FABP3: variants seen among roughly 807,000 people sequenced by gnomAD.
FABP3 encodes the protein fatty acid binding protein 3, also known as fatty acid-binding protein, heart.
Under a neutral mutation model 13.4 loss-of-function variants are expected in FABP3, and 8 were observed. The observed-to-expected ratio is 0.60, with a 90% confidence interval of 0.35 to 1.07. The LOEUF is 1.07. Among genes scored for constraint, FABP3 ranks in the 50% least tolerant of loss-of-function variants. The pLI is 0.02. For synonymous variants in FABP3, 64 were observed against 60.0 expected (o/e 1.07, Z -0.31); for missense variants, 135 against 164.7 (o/e 0.82, Z 0.99).
intron 1 of FABP3, 85 bp from the exon 2 acceptor site, chr1:31,369,642 G>A: frequency 7.5e-7 from 1 of 1,325,640 alleles, no homozygotes; most frequent in East Asian, 2.4e-5. Context: ...TCTCAGGCCT[G>A]GGTATGGGGA....
downstream of FABP3, among the ~76,000 whole-genome samples, chr1:31,362,907 A>G (rs1422365612): frequency 6.6e-6 from 1 of 152,216 alleles, no homozygotes; most frequent in African/African-American, 2.4e-5. Context: ...AAAGACCCAT[A>G]TCCTTTCCCC....
chr1:31,362,129 T>A (rs12756878), downstream of FABP3, among the ~76,000 whole-genome samples: 1 of 152,116 alleles, frequency 6.6e-6, no homozygotes, highest in African/African-American at 2.4e-5. Flanking sequence ...TATTCTTATC[T>A]CCAGTTTACA....
Position 31,369,368 on chromosome 1 carries a change from C to A in FABP3, c.246+17G>T, listed in dbSNP as rs1440832082. On this transcript the variant is annotated intron_variant, in intron 2 of 3. Transcript: ENST00000373713. ...TCTCAGCACTCTCCATTCCCCACCC[C>A]TGTTTCCCTGACTTACCTTGACCTT... 6.2e-7 allele frequency: 1 copy of A among 1,611,714 alleles called. No homozygotes were observed. Among genetic ancestry groups the A allele is most frequent in the South Asian group, 1.1e-5 (1 of 90,840 alleles).
At chr1:31,362,714 G>A (rs974317061), downstream of FABP3, among the ~76,000 whole-genome samples, 1 of 152,186 alleles carries the variant, frequency 6.6e-6, no homozygotes, top group Admixed American at 6.5e-5. Flanking sequence ...ATAGCAGTCA[G>A]GAGTTCTAAA....
In FABP3 at chr1:31,373,022, C is replaced by T. The variant is rs1640235763; in HGVS notation, c.-8G>A. 3.7e-6 allele frequency: 6 copies of T among 1,613,806 alleles called. No individual in the cohort carries two copies. The highest frequency in any genetic ancestry group is 5.1e-6 in the Non-Finnish European group (6 of 1,179,924). Reference sequence around the variant, plus strand: ...CAGGAAAGCGTCCACCATAGTGATGCTGGGCTAGGCTGAGAGAAGCTACAA... The same window carrying T: ...CAGGAAAGCGTCCACCATAGTGATGTTGGGCTAGGCTGAGAGAAGCTACAA... On this transcript the variant is annotated 5_prime_UTR_variant, in exon 1 of 4. Transcript: ENST00000373713.
In FABP3 at chr1:31,365,859, G is replaced by C. The variant is rs1352027039; in HGVS notation, c.*27C>G. The C allele has an allele frequency of 6.2e-7, 1 of 1,609,760 alleles. No individual in the cohort carries two copies. The highest frequency in any genetic ancestry group is 8.5e-7 in the Non-Finnish European group (1 of 1,176,110). Reference sequence around the variant, plus strand: ...AGTCGAGGGGTAGCCGATTGGCAGAGTAGTAGTCAGCAACAGTGCAGTCAG... The same window carrying C: ...AGTCGAGGGGTAGCCGATTGGCAGACTAGTAGTCAGCAACAGTGCAGTCAG... On this transcript the variant is annotated 3_prime_UTR_variant, in exon 4 of 4. Transcript: ENST00000373713.
In FABP3 at chr1:31,373,033, TGA is replaced by T. The variant is rs1640236043; in HGVS notation, c.-21_-20del. ...CCACCATAGTGATGCTGGGCTAGGCTGAGAGAAGCTACAAGAGAGCAGGCGTG... is the reference window on the plus strand; with the variant it reads ...CCACCATAGTGATGCTGGGCTAGGCTGAGAAGCTACAAGAGAGCAGGCGTG... On this transcript the variant is annotated 5_prime_UTR_variant, in exon 1 of 4. Transcript: ENST00000373713. 1.2e-6 allele frequency: 2 copies of T among 1,613,478 alleles called. No individual in the cohort carries two copies. Among genetic ancestry groups the T allele is most frequent in the Non-Finnish European group, 1.7e-6 (2 of 1,179,650 alleles).
At chr1:31,369,995 C>T (rs1024818567) in intron 1 of FABP3, among the ~76,000 whole-genome samples, 8 of 151,672 alleles carry the variant, frequency 5.3e-5, no homozygotes, top group South Asian at 4.1e-4. Context: ...ATCCCAGCTA[C>T]TCAGGAGGCT....
the FABP3 span, among the ~76,000 whole-genome samples, chr1:31,360,176 T>C: frequency 6.6e-6 from 1 of 151,828 alleles, no homozygotes; most frequent in East Asian, 1.9e-4. Flanking sequence ...TGTTTTGTTT[T>C]GTTTTGTTTT....
chr1:31,369,479 G>T lies in FABP3; in HGVS notation c.152C>A (p.Thr51Asn), dbSNP rs1207491184. 1 of 1,614,034 alleles carries T rather than the reference G, an allele frequency of 6.2e-7. No individual in the cohort carries two copies. The highest frequency in any genetic ancestry group is 1.3e-5 in the African/African-American group (1 of 74,910). ...TIIEKNGDIL[T>N]LKTHSTFKNT... ...CTTGAAGGTGCTGTGTGTTTTTAGG[G>T]TGAGAATGTCCCCATTCTTTTCGAT... The change falls in exon 2 of 4, where the codon ACC (threonine) becomes AAC (asparagine). Residue 51 changes from threonine to asparagine, a missense_variant. Transcript: ENST00000373713.
chr1:31,369,426 C>A lies in FABP3; in HGVS notation c.205G>T (p.Val69Leu), dbSNP rs1274585719. The change falls in exon 2 of 4, where the codon GTG (valine) becomes TTG (leucine). Residue 69 changes from valine to leucine, a missense_variant. Coordinates refer to ENST00000373713, the MANE Select transcript of FABP3 (RefSeq NM_004102.5). ...TCTGCTGTTGTCTCATCGAACTCCA[C>A]CCCCAACTTAAAGCTGATCTCTGTG... is the stretch of plus-strand genomic sequence containing the variant. ...KNTEISFKLG[V>L]EFDETTADDR... The A allele has an allele frequency of 5.0e-6, 8 of 1,614,034 alleles. No individual in the cohort carries two copies.
intron 1 of FABP3, 127 bp from the exon 2 acceptor site, chr1:31,369,684 A>G (rs761836315): frequency 3.5e-6 from 3 of 867,944 alleles, no homozygotes; most frequent in East Asian, 2.7e-5. Flanking sequence ...AAGCCTTTGC[A>G]TGGGAATTTT....
the FABP3 span, among the ~76,000 whole-genome samples, chr1:31,360,238 T>C: frequency 2.6e-5 from 4 of 151,950 alleles, no homozygotes; most frequent in African/African-American, 9.7e-5. Flanking sequence ...GGCGCGATCT[T>C]GGCTCACCAA....
downstream of FABP3, chr1:31,364,817 CA>C (rs1477818320): frequency 6.6e-6 from 1 of 152,380 alleles, no homozygotes; most frequent in Non-Finnish European, 1.5e-5. Context: ...ACCACTGAAC[CA>C]GACAGCGAAG....
chr1:31,369,161 G>C (rs750628306), intron 2 of FABP3: 1 of 543,344 alleles, frequency 1.8e-6, no homozygotes, highest in Non-Finnish European at 3.3e-6. Flanking sequence ...GCAGACAATA[G>C]ATGAATCCCA....
chr1:31,371,330 T>C, intron 1 of FABP3, among the ~76,000 whole-genome samples: 1 of 152,154 alleles, frequency 6.6e-6, no homozygotes, highest in Non-Finnish European at 1.5e-5. Flanking sequence ...CTCTGTTCAC[T>C]TAGGATCTAC....
At chr1:31,360,918 C>T (rs1557463660), downstream of FABP3, among the ~76,000 whole-genome samples, 1 of 152,170 alleles carries the variant, frequency 6.6e-6, no homozygotes, top group African/African-American at 2.4e-5. Context: ...TAAACTAAAG[C>T]ACTGTTTAGG....
rs371992036 is a variant in FABP3 at position 31,365,874 on chromosome 1, A to C, written c.*12T>G. 9.3e-6 allele frequency: 15 copies of C among 1,613,688 alleles called. No individual in the cohort carries two copies. Among genetic ancestry groups the C allele is most frequent in the Non-Finnish European group, 1.3e-5 (15 of 1,179,632 alleles). ...GATTGGCAGAGTAGTAGTCAGCAAC[A>C]GTGCAGTCAGGTCATGCCTCTTTCT... is the stretch of plus-strand genomic sequence containing the variant. On this transcript the variant is annotated 3_prime_UTR_variant, in exon 4 of 4. Transcript: ENST00000373713.
At chr1:31,365,091 C>T (rs1261425989), downstream of FABP3, 1 of 152,278 alleles carries the variant, frequency 6.6e-6, no homozygotes, top group African/African-American at 2.4e-5. Flanking sequence ...ACTAGCAGAT[C>T]ACTGCCTTCT....
Sources: gnomAD v4.1 joint callset for allele counts (sites outside exome capture counted in the v4.1 genomes callset) on GRCh38, gnomAD v4.1.1 for gene constraint, MANE v1.5 for transcripts, NCBI Gene and HGNC (gene_info 2026-07-23, HGNC 2026-07-21) for gene names.